Variants in CMTM8 observed in about 807,000 individuals in gnomAD.
The protein encoded by CMTM8 is CKLF-like MARVEL transmembrane domain-containing protein 8.
In CMTM8, 12 loss-of-function variants were observed where a neutral mutation model predicts 18.6. That is an observed-to-expected ratio of 0.65 (90% CI 0.41 to 1.05). CMTM8 has a LOEUF of 1.05. Ranked by LOEUF, CMTM8 falls within the 50% of genes least tolerant of loss-of-function variation. The pLI is 0.00. For synonymous variants in CMTM8, 87 were observed against 90.6 expected (o/e 0.96, Z 0.23); for missense variants, 217 against 227.2 (o/e 0.95, Z 0.29).
At chr3:32,256,782 C>A (rs956842996) in intron 1 of CMTM8, among the ~76,000 whole-genome samples, 2 of 152,194 alleles carry the variant, frequency 1.3e-5, no homozygotes, top group Non-Finnish European at 2.9e-5. Context: ...TCTCTCAAGA[C>A]AGCTCTAGCC....
intron 1 of CMTM8, among the ~76,000 whole-genome samples, chr3:32,330,976 A>T (rs1696263554): frequency 6.6e-6 from 1 of 152,308 alleles, no homozygotes; most frequent in South Asian, 2.1e-4. Flanking sequence ...AAGCAACAGT[A>T]GACAAATAGG....
At chr3:32,285,366 TC>T (rs1345492949) in intron 1 of CMTM8, among the ~76,000 whole-genome samples, 1 of 151,740 alleles carries the variant, frequency 6.6e-6, no homozygotes, top group Non-Finnish European at 1.5e-5. Flanking sequence ...AATACAAAAA[TC>T]AACTGGGCGT....
chr3:32,277,955 G>T (rs540800505), intron 1 of CMTM8, among the ~76,000 whole-genome samples: 14 of 152,294 alleles, frequency 9.2e-5, no homozygotes, highest in African/African-American at 3.4e-4. Flanking sequence ...CTTAAACAAG[G>T]TGGAAACTTG....
chr3:32,338,795 A>G (rs1240856300), intron 1 of CMTM8, among the ~76,000 whole-genome samples: 2 of 152,246 alleles, frequency 1.3e-5, no homozygotes. Flanking sequence ...GTGTCTGTAC[A>G]TAAGGAATTC....
chr3:32,274,848 T>C (rs941300687), intron 1 of CMTM8, among the ~76,000 whole-genome samples: 4 of 152,196 alleles, frequency 2.6e-5, no homozygotes, highest in African/African-American at 9.6e-5. Context: ...TGGGGAATGC[T>C]CTGCAAATTA....
At chr3:32,276,648 C>A (rs1015745239) in intron 1 of CMTM8, among the ~76,000 whole-genome samples, 7 of 152,132 alleles carry the variant, frequency 4.6e-5, no homozygotes, top group Admixed American at 4.6e-4. Context: ...CCAGGCAATG[C>A]TGATGCCACT....
chr3:32,342,678 G>C (rs750311558), intron 1 of CMTM8, among the ~76,000 whole-genome samples: 1 of 152,206 alleles, frequency 6.6e-6, no homozygotes, highest in Non-Finnish European at 1.5e-5. Context: ...CAGGGAGCTG[G>C]AAGTAGACTT....
chr3:32,350,063 C>A (rs540972498), intron 1 of CMTM8, among the ~76,000 whole-genome samples: 1 of 152,132 alleles, frequency 6.6e-6, no homozygotes, highest in Admixed American at 6.6e-5. Flanking sequence ...GTTGAGGAAT[C>A]CTAATCTAGA....
chr3:32,369,872 T>C lies in CMTM8; in HGVS notation c.439-12T>C. 6.3e-7 allele frequency: 1 copy of C among 1,595,228 alleles called. No homozygotes were observed. The highest frequency in any genetic ancestry group is 8.6e-7 in the Non-Finnish European group (1 of 1,165,360). On this transcript the variant is annotated splice_polypyrimidine_tract_variant and intron_variant, in intron 3 of 3. Coordinates refer to ENST00000307526, the MANE Select transcript of CMTM8 (RefSeq NM_178868.5). Reference sequence around the variant, plus strand: ...CCTAAACCCCACTTCTATTATGCTTTGTTTTCTCCAGTTCTTTGCCTTCCT... The same window carrying C: ...CCTAAACCCCACTTCTATTATGCTTCGTTTTCTCCAGTTCTTTGCCTTCCT...
chr3:32,332,824 C>A (rs557151962), intron 1 of CMTM8, among the ~76,000 whole-genome samples: 2 of 152,292 alleles, frequency 1.3e-5, no homozygotes, highest in South Asian at 4.1e-4. Context: ...TGGCACTGTA[C>A]CCTCATTGGT....
At chr3:32,239,182 G>C in intron 1 of CMTM8, 63 bp downstream of exon 1, 1 of 1,528,292 alleles carries the variant, frequency 6.5e-7, no homozygotes, top group African/African-American at 1.4e-5. Flanking sequence ...TGCTTCCGCC[G>C]TGCTTCTCGG....
chr3:32,269,625 G>A (rs887783128), intron 1 of CMTM8, among the ~76,000 whole-genome samples: 1 of 152,122 alleles, frequency 6.6e-6, no homozygotes, highest in Non-Finnish European at 1.5e-5. Context: ...ATCTCCCAAG[G>A]TATGAAAAAG....
At chr3:32,339,917 C>T (rs761537563) in intron 1 of CMTM8, among the ~76,000 whole-genome samples, 2 of 152,054 alleles carry the variant, frequency 1.3e-5, no homozygotes, top group African/African-American at 4.8e-5. Flanking sequence ...CAGCCAAGAT[C>T]GCACCACTGC....
At chr3:32,367,331 C>T (rs1207911569) in intron 2 of CMTM8, among the ~76,000 whole-genome samples, 5 of 152,218 alleles carry the variant, frequency 3.3e-5, no homozygotes, top group Non-Finnish European at 4.4e-5. Context: ...ACATTAGTTC[C>T]CAAAGGGCTG....
chr3:32,258,773 A>T (rs1353717137), intron 1 of CMTM8, among the ~76,000 whole-genome samples: 1 of 152,168 alleles, frequency 6.6e-6, no homozygotes, highest in Non-Finnish European at 1.5e-5. Flanking sequence ...GGCCTCCCAA[A>T]GAGCCATAGT....
chr3:32,348,502 C>CG, intron 1 of CMTM8, among the ~76,000 whole-genome samples: 1 of 135,178 alleles, frequency 7.4e-6, no homozygotes, highest in Admixed American at 7.4e-5. Context: ...TCTTTCCCTC[C>CG]ATTTTCTTCA....
chr3:32,238,983 C>G lies in CMTM8; in HGVS notation c.11C>G (p.Pro4Arg), dbSNP rs1559358566. MEE[P>R]QRARSHTVTT... ...GGCAGTGGCTCGACGATGGAGGAGC[C>G]GCAGCGCGCCCGCTCGCACACAGTC... Residue 4 changes from proline (P) to arginine (R), a missense_variant, in exon 1 of 4, where the codon CCG becomes CGG. Physicochemically the swap from Pro to Arg is moderately radical, Grantham distance 103. Coordinates refer to ENST00000307526, the MANE Select transcript of CMTM8 (RefSeq NM_178868.5). The G allele has an allele frequency of 3.2e-6, 5 of 1,549,334 alleles. No individual in the cohort carries two copies. The highest frequency in any genetic ancestry group is 2.6e-6 in the Non-Finnish European group (3 of 1,146,872).
intron 1 of CMTM8, among the ~76,000 whole-genome samples, chr3:32,245,692 T>A (rs1181285418): frequency 6.6e-6 from 1 of 152,168 alleles, no homozygotes; most frequent in Admixed American, 6.6e-5. Flanking sequence ...TTACTGAGAG[T>A]TGGAATTTTA....
At chr3:32,329,894 C>T (rs1298079573) in intron 1 of CMTM8, among the ~76,000 whole-genome samples, 1 of 152,150 alleles carries the variant, frequency 6.6e-6, no homozygotes, top group Non-Finnish European at 1.5e-5. Context: ...ATAAATTCAG[C>T]ACAGTTGCAG....
Sources: gnomAD v4.1 joint callset for allele counts (sites outside exome capture counted in the v4.1 genomes callset) on GRCh38, gnomAD v4.1.1 for gene constraint, MANE v1.5 for transcripts, NCBI Gene and HGNC (gene_info 2026-07-23, HGNC 2026-07-21) for gene names.